Variants in SPIDR observed in about 807,000 individuals in gnomAD.
The protein encoded by SPIDR is DNA repair-scaffolding protein.
A neutral mutation model predicts 104.6 loss-of-function variants in SPIDR; 93 were observed. The observed-to-expected ratio is 0.89, with a 90% CI of 0.75 to 1.06. The LOEUF (loss-of-function observed/expected upper bound fraction) is 1.06. Ranked by LOEUF, SPIDR falls within the 50% of genes least tolerant of loss-of-function variation. SPIDR has a pLI of 0.00. For synonymous variants in SPIDR, 431 were observed against 416.9 expected (o/e 1.03, Z -0.41); for missense variants, 1,154 against 1,111.2 (o/e 1.04, Z -0.55).
intron 10 of SPIDR, among the ~76,000 whole-genome samples, chr8:47,615,528 A>G (rs1425502763): frequency 2.1e-5 from 3 of 141,284 alleles, no homozygotes; most frequent in African/African-American, 8.0e-5. Flanking sequence ...GCTGGAATAC[A>G]GTGGCACTAT....
At chr8:47,469,263 A>C (rs900514925) in intron 8 of SPIDR, among the ~76,000 whole-genome samples, 2 of 152,186 alleles carry the variant, frequency 1.3e-5, no homozygotes, top group Non-Finnish European at 2.9e-5. Flanking sequence ...AATTCCTTCA[A>C]CCATTGTGGA....
Position 47,284,113 on chromosome 8 carries a change from T to C in SPIDR, c.256+19T>C, listed in dbSNP as rs890644559. ...AAGCAAGGTAACTATTTTGTTGATT[T>C]CTTGACAGAGAAGATATAAGACTAA... On this transcript the variant is annotated intron_variant, in intron 3 of 19. Coordinates refer to ENST00000297423, the MANE Select transcript of SPIDR (RefSeq NM_001080394.4). The C allele has an allele frequency of 1.2e-4, 193 of 1,586,672 alleles. 1 individual carries two copies. Among genetic ancestry groups the C allele is most frequent in the Non-Finnish European group, 1.5e-4 (179 of 1,164,478 alleles).
At chr8:47,483,772 G>T (rs902822654) in intron 8 of SPIDR, among the ~76,000 whole-genome samples, 1 of 152,124 alleles carries the variant, frequency 6.6e-6, no homozygotes, top group Non-Finnish European at 1.5e-5. Context: ...AGACTTTCAG[G>T]TTCATTATGG....
chr8:47,499,323 G>A (rs62539106), intron 8 of SPIDR, among the ~76,000 whole-genome samples: 10,418 of 152,164 alleles, frequency 0.068, 451 homozygotes, highest in Middle Eastern at 0.14. Flanking sequence ...TCCAAATGAC[G>A]GATGTATGTT....
chr8:47,633,033 T>G (rs1295329539), intron 10 of SPIDR, among the ~76,000 whole-genome samples: 2 of 152,204 alleles, frequency 1.3e-5, no homozygotes, highest in Non-Finnish European at 2.9e-5. Flanking sequence ...CATTCTGTGC[T>G]CAGTAGAACA....
chr8:47,657,542 T>C (rs1198269796), intron 10 of SPIDR, among the ~76,000 whole-genome samples: 1 of 152,192 alleles, frequency 6.6e-6, no homozygotes, highest in Admixed American at 6.5e-5. Flanking sequence ...AAACTAAATA[T>C]GTGACACACA....
At chr8:47,553,933 T>C (rs2090952249) in intron 8 of SPIDR, among the ~76,000 whole-genome samples, 2 of 152,362 alleles carry the variant, frequency 1.3e-5, no homozygotes, top group African/African-American at 4.8e-5. Context: ...GGTTTTGGTG[T>C]GGATGTCCTT....
intron 5 of SPIDR, among the ~76,000 whole-genome samples, chr8:47,334,055 G>A (rs1241306087): frequency 1.3e-5 from 2 of 152,154 alleles, no homozygotes; most frequent in Non-Finnish European, 2.9e-5. Flanking sequence ...GTATTTAGAA[G>A]TATTTTGTTT....
chr8:47,446,312 A>G (rs1267618531), intron 8 of SPIDR, among the ~76,000 whole-genome samples: 2 of 152,218 alleles, frequency 1.3e-5, no homozygotes, highest in Non-Finnish European at 2.9e-5. Flanking sequence ...AAATGGAACA[A>G]TAAAACCTGG....
chr8:47,398,234 T>C (rs2061458801), intron 6 of SPIDR, among the ~76,000 whole-genome samples: 1 of 152,170 alleles, frequency 6.6e-6, no homozygotes, highest in Non-Finnish European at 1.5e-5. Context: ...GGTGATGCCA[T>C]GCGATTACAG....
chr8:47,417,045 G>A (rs2064463259), intron 7 of SPIDR, among the ~76,000 whole-genome samples: 1 of 152,090 alleles, frequency 6.6e-6, no homozygotes, highest in African/African-American at 2.4e-5. Flanking sequence ...ATTTGGGTTG[G>A]TTCCAAGTCT....
At chr8:47,318,231 A>G (rs1049193273) in intron 5 of SPIDR, among the ~76,000 whole-genome samples, 2 of 152,194 alleles carry the variant, frequency 1.3e-5, no homozygotes, top group Non-Finnish European at 2.9e-5. Context: ...AGAATAACCA[A>G]TGCAGAGAAG....
intron 5 of SPIDR, among the ~76,000 whole-genome samples, chr8:47,306,925 A>G (rs370859451): frequency 3.0e-4 from 45 of 152,168 alleles, no homozygotes; most frequent in African/African-American, 1.1e-3. Context: ...TCTGGTTAGT[A>G]TTTGCATGGA....
chr8:47,680,170 T>G (rs1370863196), intron 11 of SPIDR, among the ~76,000 whole-genome samples: 1 of 152,202 alleles, frequency 6.6e-6, no homozygotes, highest in Non-Finnish European at 1.5e-5. Flanking sequence ...AAGCACTTTA[T>G]CACGGATGGC....
intron 8 of SPIDR, among the ~76,000 whole-genome samples, chr8:47,534,985 TAAAAGGA>T (rs1292999587): frequency 6.6e-6 from 1 of 152,068 alleles, no homozygotes; most frequent in Non-Finnish European, 1.5e-5. Flanking sequence ...CCATAGATAC[TAAAAGGA>T]TAATAAAGTA....
In SPIDR at chr8:47,647,546, C is replaced by T. The variant is rs372607606; in HGVS notation, c.1545-26255C>T. On this transcript the variant is annotated intron_variant, in intron 10 of 19. Coordinates refer to ENST00000297423, the MANE Select transcript of SPIDR (RefSeq NM_001080394.4). ...AGGAGAATCGCTTGAACTCAGGCGG[C>T]GGAGGTTGCAGGAGCCGAGATTGCG... Among the ~76,000 whole-genome samples the T allele has an allele frequency of 4.1e-3, 604 of 146,474 alleles. 4 individuals carry two copies. Among genetic ancestry groups the T allele is most frequent in the South Asian group, 0.023 (108 of 4,602 alleles).
At chr8:47,276,156 T>C (rs2036390535) in intron 1 of SPIDR, among the ~76,000 whole-genome samples, 1 of 152,202 alleles carries the variant, frequency 6.6e-6, no homozygotes, top group Non-Finnish European at 1.5e-5. Context: ...CCACCATGCC[T>C]TGCCTGTTAT....
intron 8 of SPIDR, among the ~76,000 whole-genome samples, chr8:47,550,839 C>T (rs1445788973): frequency 2.0e-5 from 3 of 152,046 alleles, no homozygotes; most frequent in Admixed American, 6.5e-5. Context: ...GCATCCCTGT[C>T]TTGTGCCGGT....
chr8:47,367,884 AT>A (rs1384083980), intron 5 of SPIDR, among the ~76,000 whole-genome samples: 2 of 152,220 alleles, frequency 1.3e-5, no homozygotes, highest in African/African-American at 4.8e-5. Flanking sequence ...CAAGCTGGAG[AT>A]TATAGGAACA....
Sources: allele counts gnomAD v4.1 joint callset (sites outside exome capture counted in the v4.1 genomes callset), GRCh38; gene constraint gnomAD v4.1.1; transcripts MANE v1.5; gene names NCBI Gene and HGNC (gene_info 2026-07-23, HGNC 2026-07-21).